The following ALDH1A1 variants were observed in gnomAD, a reference collection of about 807,000 sequenced individuals.
ALDH1A1 encodes the protein aldehyde dehydrogenase 1A1.
In ALDH1A1, 19 loss-of-function variants were observed where a neutral mutation model predicts 62.1. The ratio of observed to expected loss-of-function variants is 0.31; its 90% confidence interval spans 0.21 to 0.45. The LOEUF (loss-of-function observed/expected upper bound fraction) is 0.45, where lower values mean the gene tolerates loss of function less well. Among genes scored for constraint, ALDH1A1 ranks in the 20% least tolerant of loss-of-function variants. The pLI is 1.00. For synonymous variants in ALDH1A1, 231 were observed against 215.9 expected, an observed-to-expected ratio of 1.07 and a Z score of -0.61; for missense variants, 521 against 607.1, an observed-to-expected ratio of 0.86 and a Z score of 1.49.
intron 2 of ALDH1A1, among the ~76,000 whole-genome samples, chr9:72,936,864 C>T (rs1830352589): frequency 6.6e-6 from 1 of 152,146 alleles, no homozygotes; most frequent in Non-Finnish European, 1.5e-5. Context: ...AACTTAACAG[C>T]TTAACACTTT....
At chr9:72,908,550 AAGAAGAAAG>A (rs1564622438) in intron 11 of ALDH1A1, among the ~76,000 whole-genome samples, 6 of 65,688 alleles carry the variant, frequency 9.1e-5, no homozygotes, top group African/African-American at 3.3e-4. Flanking sequence ...AAAGAAAAGA[AAGAAGAAAG>A]AAAGAAAGAA....
chr9:72,912,328 T>C (rs1830002811), intron 9 of ALDH1A1, among the ~76,000 whole-genome samples: 1 of 152,190 alleles, frequency 6.6e-6, no homozygotes, highest in Admixed American at 6.5e-5. Flanking sequence ...TGAAGACAGA[T>C]ATTTGTATTT....
chr9:72,911,046 T>C (rs546402117), intron 10 of ALDH1A1, among the ~76,000 whole-genome samples: 26 of 152,294 alleles, frequency 1.7e-4, no homozygotes, highest in African/African-American at 6.3e-4. Flanking sequence ...TTAATCAAGA[T>C]ATGCAAGAAT....
chr9:72,931,537 G>A (rs1188959940), intron 2 of ALDH1A1, among the ~76,000 whole-genome samples: 1 of 152,174 alleles, frequency 6.6e-6, no homozygotes, highest in Admixed American at 6.5e-5. Context: ...CTGGGTTACA[G>A]GAATTCCAGG....
intron 6 of ALDH1A1, 132 bp downstream of exon 6, chr9:72,925,352 C>T: frequency 1.9e-6 from 2 of 1,051,034 alleles, no homozygotes; most frequent in Non-Finnish European, 2.6e-6. Context: ...AGCCGTCATG[C>T]TAAATGTATT....
chr9:72,907,931 T>C (rs543411942), intron 11 of ALDH1A1, among the ~76,000 whole-genome samples: 1 of 152,300 alleles, frequency 6.6e-6, no homozygotes, highest in East Asian at 1.9e-4. Context: ...GAGTCTCCCA[T>C]TAGGCCCACT....
At chr9:72,941,023 G>C (rs1187282438) in intron 1 of ALDH1A1, among the ~76,000 whole-genome samples, 2 of 152,054 alleles carry the variant, frequency 1.3e-5, no homozygotes, top group Non-Finnish European at 2.9e-5. Context: ...CTTTTCTTGA[G>C]GAGCCAGCTT....
chr9:72,928,883 G>C lies in ALDH1A1; in HGVS notation c.442+9C>G. ...TCCTCACCATTAGTGGTTTCTCAAA[G>C]ATACTTACCAATTGGTATTGTACGG... On this transcript the variant is annotated intron_variant, in intron 4 of 12. Coordinates refer to ENST00000297785, the MANE Select transcript of ALDH1A1 (RefSeq NM_000689.5). 2 of 1,612,744 alleles carry C rather than the reference G, an allele frequency of 1.2e-6. No individual in the cohort carries two copies. The highest frequency in any genetic ancestry group is 1.7e-6 in the Non-Finnish European group (2 of 1,179,452).
At chr9:72,939,467 T>C (rs1234119886) in intron 2 of ALDH1A1, among the ~76,000 whole-genome samples, 2 of 152,168 alleles carry the variant, frequency 1.3e-5, no homozygotes, top group African/African-American at 4.8e-5. Context: ...GTTCTAAAAG[T>C]TCTATAATAA....
intron 2 of ALDH1A1, among the ~76,000 whole-genome samples, chr9:72,938,350 AG>A (rs138809356): frequency 0.12 from 18,715 of 152,202 alleles, 1,371 homozygotes; most frequent in African/African-American, 0.2. Flanking sequence ...AATTAGACTT[AG>A]AAACACTTAC....
chr9:72,934,480 G>C (rs1830322922), intron 2 of ALDH1A1, among the ~76,000 whole-genome samples: 1 of 152,052 alleles, frequency 6.6e-6, no homozygotes, highest in South Asian at 2.1e-4. Context: ...TGGTTTTCAA[G>C]GCCCAGGATT....
At chr9:72,942,653 C>T (rs1000037475) in intron 1 of ALDH1A1, among the ~76,000 whole-genome samples, 2 of 152,122 alleles carry the variant, frequency 1.3e-5, no homozygotes, top group Non-Finnish European at 2.9e-5. Flanking sequence ...CTCCAACATG[C>T]TTTTCCAGTC....
At chr9:72,901,358 A>C in intron 12 of ALDH1A1, 78 bp from the exon 13 acceptor site, 1 of 1,037,340 alleles carries the variant, frequency 9.6e-7, no homozygotes, top group South Asian at 1.5e-5. Context: ...GTTTGGTACG[A>C]GTTTGTTCTT....
At chr9:72,949,803 A>G (rs939502057) in intron 1 of ALDH1A1, among the ~76,000 whole-genome samples, 3 of 150,822 alleles carry the variant, frequency 2.0e-5, no homozygotes, top group African/African-American at 4.9e-5. Flanking sequence ...TCTGTCTGAG[A>G]ATGCTTGTCT....
At chr9:72,909,563 T>C in intron 11 of ALDH1A1, 39 bp downstream of exon 11, 1 of 1,566,728 alleles carries the variant, frequency 6.4e-7, no homozygotes, top group Non-Finnish European at 8.6e-7. Flanking sequence ...GTTAATGTGG[T>C]TATTACTGAA....
chr9:72,930,987 T>C lies in ALDH1A1; in HGVS notation c.204A>G (p.Arg68=), dbSNP rs1258402828. The part of the protein sequence containing the change: ...EDVDKAVKAA[R]QAFQIGSPWR... ...ACGGGGATCCAATCTGAAAAGCCTG[T>C]CTTGCGGCCTTCACTGCCTTGTCAA... The change falls in exon 3 of 13, where the codon AGA becomes AGG. Residue 68 remains arginine, a synonymous_variant. Transcript: ENST00000297785. 1 of 1,614,048 alleles carries C rather than the reference T, an allele frequency of 6.2e-7. No homozygotes were observed. Among genetic ancestry groups the C allele is most frequent in the South Asian group, 1.1e-5 (1 of 91,084 alleles).
chr9:72,912,143 G>GA, intron 9 of ALDH1A1, 21 bp from the exon 10 acceptor site: 1 of 1,590,252 alleles, frequency 6.3e-7, no homozygotes, highest in South Asian at 1.1e-5. Flanking sequence ...AATATCACAT[G>GA]AAAAGAAAAA....
In ALDH1A1 at chr9:72,900,753, T is replaced by C. The variant is rs8188000; in HGVS notation, c.*455A>G. On this transcript the variant is annotated 3_prime_UTR_variant, in exon 13 of 13. Transcript: ENST00000297785. The stretch of plus-strand genomic sequence containing the variant: ...GATTATTTCTTTTGACAAGCAGACA[T>C]GACATCCTAGGAAACTTTTCAAAAC... The C allele has an allele frequency of 0.039, 6,025 of 152,602 alleles. 244 individuals are homozygous for C. Among genetic ancestry groups the C allele is most frequent in the African/African-American group, 0.1 (4,272 of 41,498 alleles). 9.5% of individuals were successfully genotyped at this position (152,602 alleles called of 1,614,324 possible). A position where few individuals can be genotyped will look rare whatever the true frequency, so the allele number is the denominator to read the frequency against.
Position 72,952,919 on chromosome 9 carries a change from T to C in ALDH1A1, c.66+16A>G, listed in dbSNP as rs770132317. The C allele has an allele frequency of 1.9e-5, 31 of 1,610,672 alleles. No individual in the cohort carries two copies. Among genetic ancestry groups the C allele is most frequent in the Non-Finnish European group, 2.5e-5 (29 of 1,177,998 alleles). On this transcript the variant is annotated intron_variant, in intron 1 of 12. Coordinates refer to ENST00000297785, the MANE Select transcript of ALDH1A1 (RefSeq NM_000689.5). The stretch of plus-strand genomic sequence containing the variant: ...TGCAAACCCGAGTCAAAGCAGAAAA[T>C]AGAAGTTTTACTCACCTTAGTATAT...
Sources: allele counts gnomAD v4.1 joint callset (sites outside exome capture counted in the v4.1 genomes callset), GRCh38; gene constraint gnomAD v4.1.1; transcripts MANE v1.5; gene names NCBI Gene and HGNC (gene_info 2026-07-23, HGNC 2026-07-21).